HDAC10: variants seen among roughly 807,000 people sequenced by gnomAD.
HDAC10 encodes histone deacetylase 10.
In HDAC10, 90 loss-of-function variants were observed where a neutral mutation model predicts 82.3. That is an observed-to-expected ratio of 1.09 (90% CI 0.92 to 1.30). HDAC10 has a LOEUF of 1.30. Among genes scored for constraint, HDAC10 ranks in the 50% most tolerant of loss-of-function variants. The pLI, the probability that HDAC10 is intolerant of heterozygous loss-of-function variation, is 0.00. For missense variants in HDAC10, 934 were observed against 876.3 expected (o/e 1.07, Z -0.83); for synonymous variants, 456 against 391.7 (o/e 1.16, Z -1.94).
In HDAC10 at chr22:50,248,937, G is replaced by A. The variant is rs540544385; in HGVS notation, c.757-47C>T. ...GGAGGGTCGACAGAGAGGGGCTGGA[G>A]CCCAGGTGAGGGCGAGCCAGGCCCA... is the stretch of plus-strand genomic sequence containing the variant. On this transcript the variant is annotated intron_variant, in intron 8 of 19. Transcript: ENST00000216271. The surrounding 1 kb of genome is among the most constrained non-coding windows in gnomAD (Gnocchi z 5.4). 3.2e-6 allele frequency: 5 copies of A among 1,583,140 alleles called. No homozygotes were observed. Among genetic ancestry groups the A allele is most frequent in the Non-Finnish European group, 4.3e-6 (5 of 1,161,944 alleles).
At chr22:50,247,409 A>G in intron 14 of HDAC10, 1 of 374,308 alleles carries the variant, frequency 2.7e-6, no homozygotes, top group Non-Finnish European at 4.8e-6. Flanking sequence ...CCGTTATTAC[A>G]GGCATGAGCC....
rs372862646 is a variant in HDAC10 at position 50,247,785 on chromosome 22, G to A, written c.1338-9C>T. 1.2e-6 allele frequency: 2 copies of A among 1,612,538 alleles called. No individual in the cohort carries two copies. The highest frequency in any genetic ancestry group is 1.7e-5 in the Admixed American group (1 of 59,998). ...CCAGGGACTCGTGTGGCCTGTGGTG[G>A]ACAGACCAGAGGGACACACAGACAC... On this transcript the variant is annotated splice_polypyrimidine_tract_variant and intron_variant, in intron 13 of 19. Coordinates refer to ENST00000216271, the MANE Select transcript of HDAC10 (RefSeq NM_032019.6).
chr22:50,247,330 C>T (rs1178955618), intron 14 of HDAC10: 1 of 310,464 alleles, frequency 3.2e-6, no homozygotes, highest in Non-Finnish European at 6.0e-6. Flanking sequence ...ACAGGGTCTC[C>T]ATATGTTCTC....
chr22:50,250,381 AC>A lies in HDAC10; in HGVS notation c.291+45del. 5 of 1,562,380 alleles carry A rather than the reference AC, an allele frequency of 3.2e-6. No individual in the cohort carries two copies. The East Asian group carries it at 1.1e-4, about 35-fold the overall frequency. ...GCCGTGGCTGTGAACGCTCAAAGGC[AC>A]GTGCATGTGTGTCTGCACAGGTGAG... is the stretch of plus-strand genomic sequence containing the variant. On this transcript the variant is annotated intron_variant, in intron 3 of 19. Transcript: ENST00000216271.
In HDAC10 at chr22:50,251,028, C is replaced by A. The variant is rs373306603; in HGVS notation, c.5G>T (p.Gly2Val). Residue 2 changes from glycine (G) to valine (V), a missense_variant, in exon 1 of 20, where the codon GGG becomes GTG. By Grantham distance (109) the Gly-to-Val change is moderately radical. Transcript: ENST00000216271. Reference protein sequence around the residue: MGTALVYHEDMT... With the variant: MVTALVYHEDMT... ...GTCCTCATGGTACACAAGCGCGGTC[C>A]CCATGGCTGCGCCGTGGTCACCCTG... is the stretch of plus-strand genomic sequence containing the variant. 1 of 1,610,214 alleles carries A rather than the reference C, an allele frequency of 6.2e-7. No homozygotes were observed. The highest frequency in any genetic ancestry group is 8.5e-7 in the Non-Finnish European group (1 of 1,178,064).
rs13053896 is a variant in HDAC10 at position 50,245,847 on chromosome 22, G to A, written c.1834-20C>T. The A allele has an allele frequency of 1.5e-5, 23 of 1,558,808 alleles. No individual in the cohort carries two copies. Among genetic ancestry groups the A allele is most frequent in the Admixed American group, 7.7e-5 (4 of 51,838 alleles). ...GGAGTTCTGGACCAGGGGCGAAGAC[G>A]GAAGCAGTCACTGGTCCTTTCCCTC... On this transcript the variant is annotated intron_variant, in intron 18 of 19. Coordinates refer to ENST00000216271, the MANE Select transcript of HDAC10 (RefSeq NM_032019.6).
chr22:50,250,965 C>T lies in HDAC10; in HGVS notation c.59+9G>A, dbSNP rs755166631. The T allele has an allele frequency of 1.2e-6, 2 of 1,612,222 alleles. No homozygotes were observed. The highest frequency in any genetic ancestry group is 2.7e-5 in the African/African-American group (2 of 74,926). ...TCCCCGCACCCCACCTCGGCCAGGTCCCACTTACTCGTCCCAGAGCAGCCG... is the reference window on the plus strand; with the variant it reads ...TCCCCGCACCCCACCTCGGCCAGGTTCCACTTACTCGTCCCAGAGCAGCCG... On this transcript the variant is annotated intron_variant, in intron 1 of 19. Coordinates refer to ENST00000216271, the MANE Select transcript of HDAC10 (RefSeq NM_032019.6).
Position 50,247,742 on chromosome 22 carries a change from T to G in HDAC10, c.1372A>C (p.Thr458Pro), listed in dbSNP as rs2064990421. 2.5e-6 allele frequency: 4 copies of G among 1,604,192 alleles called. No homozygotes were observed. Among genetic ancestry groups the G allele is most frequent in the Non-Finnish European group, 3.4e-6 (4 of 1,172,980 alleles). ...AGGTACAGGAGCTTCCCAAGTGCAG[T>G]GAGGGCCTCCTCCCGGGCCAGGGAC... The part of the protein sequence containing the change: ...HESLAREEAL[T>P]ALGKLLYLLD... The change falls in exon 14 of 20, where the codon ACT becomes CCT. Residue 458 changes from threonine (T) to proline (P), a missense_variant. Physicochemically the swap from Thr to Pro is conservative, Grantham distance 38. Coordinates refer to ENST00000216271, the MANE Select transcript of HDAC10 (RefSeq NM_032019.6).
At position 50,250,402 on chromosome 22, in the gene HDAC10, GGTGA is replaced by G. The variant is rs752146244; in HGVS notation, c.291+21_291+24del. On this transcript the variant is annotated intron_variant, in intron 3 of 19. Coordinates refer to ENST00000216271, the MANE Select transcript of HDAC10 (RefSeq NM_032019.6). Reference sequence around the variant, plus strand: ...AGGCACGTGCATGTGTGTCTGCACAGGTGAGTGTGTCCGGGGACACGCACCGGGT... The same window carrying G: ...AGGCACGTGCATGTGTGTCTGCACAGGTGTGTCCGGGGACACGCACCGGGT... 9.3e-6 allele frequency: 15 copies of G among 1,604,608 alleles called. 1 individual carries two copies. The South Asian group carries it at 1.3e-4, about 14-fold the overall frequency.
In HDAC10 at chr22:50,248,532, G is replaced by A; in HGVS notation, c.907-60C>T. 1 of 1,534,402 alleles carries A rather than the reference G, an allele frequency of 6.5e-7. No homozygotes were observed. The highest frequency in any genetic ancestry group is 2.4e-5 in the East Asian group (1 of 41,968). ...ATATCACTGGGATGGGATGTCACCG[G>A]GAGAGCCCCTGCCTGGCTCTATCCC... is the stretch of plus-strand genomic sequence containing the variant. On this transcript the variant is annotated intron_variant, in intron 10 of 19. Coordinates refer to ENST00000216271, the MANE Select transcript of HDAC10 (RefSeq NM_032019.6). The surrounding 1 kb of genome is among the most constrained non-coding windows in gnomAD (Gnocchi z 5.4).
chr22:50,250,145 C>A lies in HDAC10; in HGVS notation c.307G>T (p.Ala103Ser), dbSNP rs200223518. 1 of 1,612,398 alleles carries A rather than the reference C, an allele frequency of 6.2e-7. No individual in the cohort carries two copies. The highest frequency in any genetic ancestry group is 1.1e-5 in the South Asian group (1 of 91,068). ...IYFHPSTFHC[A>S]RLAAGAGLQL... Reference sequence around the variant, plus strand: ...AGTCCAGCCCCTGCGGCCAGCCGCGCGCAGTGAAAGGTACTCTGTGGGCGC... The same window carrying A: ...AGTCCAGCCCCTGCGGCCAGCCGCGAGCAGTGAAAGGTACTCTGTGGGCGC... Residue 103 changes from alanine (A) to serine (S), a missense_variant, in exon 4 of 20, where the codon GCG becomes TCG. Transcript: ENST00000216271.
At position 50,250,150 on chromosome 22, in the gene HDAC10, T is replaced by C. The variant is rs548926197; in HGVS notation, c.302A>G (p.His101Arg). Residue 101 changes from histidine to arginine, a missense_variant, in exon 4 of 20, where the codon CAC becomes CGC. Coordinates refer to ENST00000216271, the MANE Select transcript of HDAC10 (RefSeq NM_032019.6). ...AGCCCCTGCGGCCAGCCGCGCGCAG[T>C]GAAAGGTACTCTGTGGGCGCAGGGG... Reference protein sequence around the residue: ...DAIYFHPSTFHCARLAAGAGL... With the variant: ...DAIYFHPSTFRCARLAAGAGL... The C allele has an allele frequency of 6.8e-6, 11 of 1,612,154 alleles. No individual in the cohort carries two copies. In the African/African-American group the frequency reaches 8.0e-5, roughly 12 times the overall value.
In HDAC10 at chr22:50,248,225, C is replaced by G; in HGVS notation, c.1081G>C (p.Asp361His). ...CAGCCTAGCACCCGGCCACACTGAC[C>G]TTGCTGCTGGAGGCTCTTCCAGTGC... Reference protein sequence around the residue: ...APHWKSLQQQDVTAVPMSPSS... With the variant: ...APHWKSLQQQHVTAVPMSPSS... The change falls in exon 12 of 20, where the codon GAT becomes CAT. Residue 361 changes from aspartate (D) to histidine (H), a missense_variant and splice_region_variant. Transcript: ENST00000216271. This position sits in a 1 kb window ranked among gnomAD's most constrained non-coding sequence, Gnocchi z 5.4. 1 of 1,611,798 alleles carries G rather than the reference C, an allele frequency of 6.2e-7. No individual in the cohort carries two copies.
At chr22:50,247,490 G>A (rs1206878700) in intron 14 of HDAC10, 1 of 487,334 alleles carries the variant, frequency 2.1e-6, no homozygotes, top group African/African-American at 2.0e-5. Flanking sequence ...TTTAACTGAA[G>A]AAGCTGAGGT....
chr22:50,246,568 T>C (rs960383421), intron 16 of HDAC10, 111 bp downstream of exon 16: 13 of 1,201,084 alleles, frequency 1.1e-5, no homozygotes, highest in Middle Eastern at 2.6e-4. Flanking sequence ...GAAGGCTCCA[T>C]TCAGTACCAC....
chr22:50,247,834 C>T, intron 13 of HDAC10, 56 bp downstream of exon 13: 1 of 1,612,680 alleles, frequency 6.2e-7, no homozygotes, highest in Non-Finnish European at 8.5e-7. Context: ...GTCAGGCACA[C>T]ACAGGCACAG....
rs370333932 is a variant in HDAC10 at position 50,248,864 on chromosome 22, C to A, written c.783G>T (p.Ser261=). 28 of 1,611,496 alleles carry A rather than the reference C, an allele frequency of 1.7e-5. No individual in the cohort carries two copies. Among genetic ancestry groups the A allele is most frequent in the Non-Finnish European group, 2.4e-5 (28 of 1,179,516 alleles). ...CCCCGATGGCTGAGTCAAATCCTGC[C>A]GAGACCAGCACCAGCTCAGGGTCAA... ...FEFDPELVLV[S]AGFDSAIGDP... The change falls in exon 9 of 20, where the codon TCG becomes TCT. Residue 261 remains serine, a synonymous_variant. Coordinates refer to ENST00000216271, the MANE Select transcript of HDAC10 (RefSeq NM_032019.6). This position sits in a 1 kb window ranked among gnomAD's most constrained non-coding sequence, Gnocchi z 5.4.
rs753375723 is a variant in HDAC10 at position 50,249,697 on chromosome 22, G to A, written c.501C>T (p.Leu167=). 11 of 1,612,568 alleles carry A rather than the reference G, an allele frequency of 6.8e-6. No individual in the cohort carries two copies. Among genetic ancestry groups the A allele is most frequent in the South Asian group, 4.4e-5 (4 of 91,090 alleles). Residue 167 remains leucine, a synonymous_variant, in exon 6 of 20, where the codon CTC becomes CTT. Coordinates refer to ENST00000216271, the MANE Select transcript of HDAC10 (RefSeq NM_032019.6). This position sits in a 1 kb window ranked among gnomAD's most constrained non-coding sequence, Gnocchi z 4.4. ...CATGGTGCACATCCCAGTCCACGAC[G>A]AGGATCCTGGGTACAGACAGCGCTG... The part of the protein sequence containing the change: ...AKQKHGLHRI[L]VVDWDVHHGQ...
Position 50,248,806 on chromosome 22 carries a change from C to T in HDAC10, c.816+25G>A. ...CCTGGGCCCCAGGACCCCAGAAGCCCTCCCTGGCAAGGCAAGGCCCTCACC... is the reference window on the plus strand; with the variant it reads ...CCTGGGCCCCAGGACCCCAGAAGCCTTCCCTGGCAAGGCAAGGCCCTCACC... On this transcript the variant is annotated intron_variant, in intron 9 of 19. Transcript: ENST00000216271. This position sits in a 1 kb window ranked among gnomAD's most constrained non-coding sequence, Gnocchi z 5.4. 6.2e-7 allele frequency: 1 copy of T among 1,607,540 alleles called. No homozygotes were observed. Among genetic ancestry groups the T allele is most frequent in the Non-Finnish European group, 8.5e-7 (1 of 1,177,398 alleles).
Sources: allele counts gnomAD v4.1 joint callset, GRCh38; gene constraint gnomAD v4.1.1; non-coding constraint Gnocchi (gnomAD v3.1); transcripts MANE v1.5; gene names NCBI Gene and HGNC (gene_info 2026-07-23, HGNC 2026-07-21).